Variants in MAGI1 observed in about 807,000 individuals in gnomAD.
MAGI1 encodes membrane-associated guanylate kinase, WW and PDZ domain-containing protein 1.
Under a neutral mutation model 139.9 loss-of-function variants are expected in MAGI1, and 58 were observed. The observed-to-expected ratio is 0.41, with a 90% confidence interval of 0.34 to 0.52. The LOEUF is 0.52. Ranked by LOEUF, MAGI1 falls within the 20% of genes least tolerant of loss-of-function variation. The pLI is 0.12. For synonymous variants in MAGI1, 812 were observed against 737.9 expected, an observed-to-expected ratio of 1.10 and a Z score of -1.63; for missense variants, 1,874 against 1,901.6, an observed-to-expected ratio of 0.99 and a Z score of 0.27.
chr3:65,502,333 A>T (rs2077113963), intron 2 of MAGI1, among the ~76,000 whole-genome samples: 1 of 152,166 alleles, frequency 6.6e-6, no homozygotes, highest in South Asian at 2.1e-4. Context: ...ACAAAAGGGG[A>T]TTGACAAACA....
intron 1 of MAGI1, among the ~76,000 whole-genome samples, chr3:65,751,788 T>C (rs1412700136): frequency 6.6e-6 from 1 of 152,230 alleles, no homozygotes; most frequent in African/African-American, 2.4e-5. Context: ...TTCAATTTTA[T>C]AGTTTAAAAG....
At chr3:65,423,282 T>A (rs1385372612) in intron 12 of MAGI1, among the ~76,000 whole-genome samples, 3 of 152,144 alleles carry the variant, frequency 2.0e-5, no homozygotes, top group Non-Finnish European at 4.4e-5. Flanking sequence ...AGAGGAGAAG[T>A]GCCTGATCAC....
chr3:65,495,816 A>G (rs1325574230), intron 2 of MAGI1, among the ~76,000 whole-genome samples: 1 of 152,110 alleles, frequency 6.6e-6, no homozygotes, highest in Non-Finnish European at 1.5e-5. Flanking sequence ...GAATGCATCC[A>G]GGCAGAGGGA....
chr3:65,660,928 A>G (rs184776865), intron 1 of MAGI1, among the ~76,000 whole-genome samples: 16 of 152,298 alleles, frequency 1.1e-4, no homozygotes, highest in Admixed American at 1.0e-3. Flanking sequence ...ATCACGTTCA[A>G]GCAAAAATAC....
At chr3:65,754,626 C>T (rs148166018) in intron 1 of MAGI1, among the ~76,000 whole-genome samples, 3 of 152,302 alleles carry the variant, frequency 2.0e-5, no homozygotes, top group Non-Finnish European at 4.4e-5. Context: ...CTGGGTTTTC[C>T]CCTTAAAGGC....
chr3:65,477,854 T>C (rs1334827971), intron 4 of MAGI1, among the ~76,000 whole-genome samples: 4 of 151,194 alleles, frequency 2.6e-5, no homozygotes, highest in South Asian at 2.1e-4. Flanking sequence ...CCCCCTGGAG[T>C]TGTGCAGTAC....
intron 2 of MAGI1, among the ~76,000 whole-genome samples, chr3:65,564,230 G>T (rs1487850137): frequency 6.6e-6 from 1 of 151,822 alleles, no homozygotes; most frequent in African/African-American, 2.4e-5. Flanking sequence ...CTTAGACAAG[G>T]CTACGAAAAT....
chr3:65,895,610 G>A (rs951900124), intron 1 of MAGI1, among the ~76,000 whole-genome samples: 1 of 152,134 alleles, frequency 6.6e-6, no homozygotes, highest in South Asian at 2.1e-4. Context: ...GCAGCTTTCT[G>A]TATCAAAGGG....
chr3:65,414,504 T>G (rs1341804417), intron 12 of MAGI1, among the ~76,000 whole-genome samples: 1 of 152,208 alleles, frequency 6.6e-6, no homozygotes, highest in Non-Finnish European at 1.5e-5. Context: ...TCCCGAGGTT[T>G]GGATGCCAGA....
intron 1 of MAGI1, among the ~76,000 whole-genome samples, chr3:65,903,618 T>C (rs1254491111): frequency 6.6e-6 from 1 of 152,162 alleles, no homozygotes; most frequent in African/African-American, 2.4e-5. Flanking sequence ...GAAAAGAAGG[T>C]ACTTTCTGAA....
At chr3:65,950,011 T>C (rs1681016334) in intron 1 of MAGI1, among the ~76,000 whole-genome samples, 1 of 122,622 alleles carries the variant, frequency 8.2e-6, no homozygotes, top group Non-Finnish European at 1.6e-5. Context: ...ATGGCACCAC[T>C]GCACTCCAGC....
rs578187388 is a variant in MAGI1 at position 65,394,718 on chromosome 3, T to C, written c.2200-3360A>G. ...ATTTTCTGTTAGCATTCTAATTAGC[T>C]ATGAGGTTGTCCTTTATCTGGTTAG... On this transcript the variant is annotated intron_variant, in intron 13 of 22. Coordinates refer to ENST00000402939, the MANE Select transcript of MAGI1 (RefSeq NM_001033057.2). Among the ~76,000 whole-genome samples, 3 of 152,182 alleles carry C rather than the reference T, an allele frequency of 2.0e-5. No individual in the cohort carries two copies. The East Asian group carries it at 5.8e-4, about 29-fold the overall frequency.
intron 15 of MAGI1, 45 bp from the exon 16 acceptor site, chr3:65,382,114 T>A: frequency 6.9e-7 from 1 of 1,458,068 alleles, no homozygotes; most frequent in Non-Finnish European, 9.5e-7. Context: ...TCTCCTATGT[T>A]TACTGTTACA....
chr3:65,867,375 T>C (rs2059766047), intron 1 of MAGI1, among the ~76,000 whole-genome samples: 1 of 152,152 alleles, frequency 6.6e-6, no homozygotes, highest in Non-Finnish European at 1.5e-5. Flanking sequence ...GTAGAACAAT[T>C]CCTAAAAAGT....
At chr3:65,586,215 A>C (rs2081669082) in intron 2 of MAGI1, among the ~76,000 whole-genome samples, 1 of 152,166 alleles carries the variant, frequency 6.6e-6, no homozygotes, top group African/African-American at 2.4e-5. Context: ...GTCTAAAAAA[A>C]AAAAGCAACA....
intron 3 of MAGI1, among the ~76,000 whole-genome samples, chr3:65,485,419 G>A (rs1359268247): frequency 6.6e-6 from 1 of 152,128 alleles, no homozygotes; most frequent in Non-Finnish European, 1.5e-5. Context: ...CCTGAGTGAG[G>A]TAAGGGACCT....
intron 18 of MAGI1, among the ~76,000 whole-genome samples, chr3:65,374,200 T>C (rs1439182077): frequency 6.6e-6 from 1 of 152,058 alleles, no homozygotes; most frequent in Non-Finnish European, 1.5e-5. Context: ...TTAAACATTT[T>C]GGGACAAGTG....
chr3:65,368,528 C>CA (rs1481359726), intron 18 of MAGI1, among the ~76,000 whole-genome samples: 1 of 152,212 alleles, frequency 6.6e-6, no homozygotes, highest in Non-Finnish European at 1.5e-5. Context: ...CAAGCAATTA[C>CA]AATTCTAACC....
chr3:65,540,570 A>C (rs1639093332), intron 2 of MAGI1, among the ~76,000 whole-genome samples: 1 of 152,206 alleles, frequency 6.6e-6, no homozygotes, highest in Admixed American at 6.5e-5. Context: ...TTTTATTAAA[A>C]GGATTTTTGA....
Sources: gnomAD v4.1 joint callset for allele counts (sites outside exome capture counted in the v4.1 genomes callset) on GRCh38, gnomAD v4.1.1 for gene constraint, MANE v1.5 for transcripts, NCBI Gene and HGNC (gene_info 2026-07-23, HGNC 2026-07-21) for gene names.